Variants in KLRG1 observed in about 807,000 individuals in gnomAD.
KLRG1 encodes the protein killer cell lectin-like receptor subfamily G member 1.
In KLRG1, 16 loss-of-function variants were observed where a neutral mutation model predicts 21.8. The ratio of observed to expected loss-of-function variants is 0.73; its 90% CI spans 0.50 to 1.11. KLRG1 has a LOEUF of 1.11. KLRG1 is among the 50% of genes most tolerant of loss of function. KLRG1 has a pLI of 0.00. For missense variants in KLRG1, 173 were observed against 218.3 expected, an observed-to-expected ratio of 0.79 and a Z score of 1.31; for synonymous variants, 69 against 75.9, an observed-to-expected ratio of 0.91 and a Z score of 0.47.
chr12:9,215,491 T>C, the KLRG1 span, among the ~76,000 whole-genome samples: 28 of 151,464 alleles, frequency 1.8e-4, no homozygotes, highest in Non-Finnish European at 3.2e-4. Flanking sequence ...AAAAGTCCTT[T>C]CTCTTTCTTT....
the KLRG1 span, chr12:9,106,193 G>C: frequency 2.6e-6 from 3 of 1,159,844 alleles, no homozygotes; most frequent in Non-Finnish European, 3.9e-6. Context: ...TGCTAATTAG[G>C]TAACAGTACA....
the KLRG1 span, chr12:9,079,410 G>C: frequency 7.1e-6 from 10 of 1,403,852 alleles, no homozygotes; most frequent in African/African-American, 1.3e-4. Context: ...AAGTACCTTG[G>C]CTTCTCTTGT....
chr12:8,955,828 A>G (rs1010351553), intron 1 of KLRG1, among the ~76,000 whole-genome samples: 1 of 152,086 alleles, frequency 6.6e-6, no homozygotes, highest in East Asian at 1.9e-4. Context: ...GTGAAAACCA[A>G]CCTTCGAGTC....
At chr12:9,106,569 T>C in the KLRG1 span, 1 of 1,590,668 alleles carries the variant, frequency 6.3e-7, no homozygotes, top group Non-Finnish European at 8.6e-7. Context: ...AAGACCTTGG[T>C]TTTTACTTGC....
chr12:9,163,856 C>T, the KLRG1 span: 2 of 1,518,376 alleles, frequency 1.3e-6, no homozygotes, highest in Non-Finnish European at 8.9e-7. Context: ...AAGGGCTGCA[C>T]CTTAAACTTA....
chr12:9,010,206 A>G lies in KLRG1; in HGVS notation c.*669A>G. On this transcript the variant is annotated 3_prime_UTR_variant, in exon 5 of 5. Transcript: ENST00000356986. ...ATCTCTAAAAAAAAAAAAAAATGCT[A>G]ATGTGAGAATATAAATTGTGGGAAA... 1 of 533,588 alleles carries G rather than the reference A, an allele frequency of 1.9e-6. No homozygotes were observed. The allele number at this position is 533,588 out of a possible 1,614,324, so 33.1% of individuals were successfully genotyped here.
At chr12:9,095,116 T>C in the KLRG1 span, 2 of 1,129,056 alleles carry the variant, frequency 1.8e-6, no homozygotes, top group Non-Finnish European at 2.5e-6. Context: ...AATCAGTAAA[T>C]ATATATTATA....
the KLRG1 span, among the ~76,000 whole-genome samples, chr12:9,207,387 C>T: frequency 6.6e-6 from 1 of 152,200 alleles, no homozygotes; most frequent in African/African-American, 2.4e-5. Context: ...GTAAAGGCAG[C>T]TGGGTTAAGG....
At chr12:9,115,433 G>T in the KLRG1 span, 1 of 187,780 alleles carries the variant, frequency 5.3e-6, no homozygotes, top group Non-Finnish European at 1.1e-5. Context: ...ATAGAAAATG[G>T]ACCCTTGAGA....
chr12:9,004,674 T>C (rs1947415717), intron 3 of KLRG1, among the ~76,000 whole-genome samples: 1 of 151,874 alleles, frequency 6.6e-6, no homozygotes, highest in South Asian at 2.1e-4. Context: ...AAAGATAGAG[T>C]GTTACTATGT....
At chr12:9,127,516 C>T in the KLRG1 span, among the ~76,000 whole-genome samples, 1 of 152,210 alleles carries the variant, frequency 6.6e-6, no homozygotes. Flanking sequence ...TTCTCTGCCT[C>T]ACCCTAACTT....
At chr12:9,018,742 C>T in the KLRG1 span, among the ~76,000 whole-genome samples, 1 of 148,104 alleles carries the variant, frequency 6.8e-6, no homozygotes, top group South Asian at 2.1e-4. Context: ...AGGAAAGAAA[C>T]TAGACCCTCC....
At chr12:9,077,659 T>A in the KLRG1 span, 96 of 1,604,214 alleles carry the variant, frequency 6.0e-5, no homozygotes, top group Non-Finnish European at 7.7e-5. Flanking sequence ...TCCTTGCAGA[T>A]ATCATAATGG....
chr12:9,073,736 G>A, the KLRG1 span, among the ~76,000 whole-genome samples: 104 of 152,268 alleles, frequency 6.8e-4, no homozygotes, highest in South Asian at 3.3e-3. Context: ...GATTTAGGAG[G>A]TTGGATGAAT....
the KLRG1 span, among the ~76,000 whole-genome samples, chr12:9,190,966 C>T: frequency 3.3e-5 from 5 of 151,930 alleles, no homozygotes; most frequent in African/African-American, 7.3e-5. Flanking sequence ...AAGAGTAAAT[C>T]GGTAATTAAT....
chr12:9,026,100 A>AT, the KLRG1 span, among the ~76,000 whole-genome samples: 2 of 152,240 alleles, frequency 1.3e-5, no homozygotes, highest in Middle Eastern at 3.4e-3. Context: ...ATTTGTCATA[A>AT]TAACAGAGAA....
the KLRG1 span, among the ~76,000 whole-genome samples, chr12:9,149,756 A>G: frequency 2.0e-5 from 3 of 152,344 alleles, no homozygotes; most frequent in East Asian, 5.8e-4. Flanking sequence ...CAGGATCATT[A>G]ACATATTTAT....
At chr12:9,180,588 G>T in the KLRG1 span, among the ~76,000 whole-genome samples, 2 of 152,092 alleles carry the variant, frequency 1.3e-5, no homozygotes, top group Non-Finnish European at 2.9e-5. Context: ...GGGAAAACTG[G>T]CTAGCCATAT....
At chr12:9,066,522 G>A in the KLRG1 span, 3 of 152,298 alleles carry the variant, frequency 2.0e-5, no homozygotes, top group Non-Finnish European at 4.4e-5. Context: ...ACACCCCTCT[G>A]CTCCACCCGT....
Sources: gnomAD v4.1 joint callset for allele counts (sites outside exome capture counted in the v4.1 genomes callset) on GRCh38, gnomAD v4.1.1 for gene constraint, MANE v1.5 for transcripts, NCBI Gene and HGNC (gene_info 2026-07-23, HGNC 2026-07-21) for gene names.